Variants in ITPR2 observed in about 807,000 individuals in gnomAD.
ITPR2 encodes inositol 1,4,5-trisphosphate-gated calcium channel ITPR2.
In ITPR2, 207 loss-of-function variants were observed where a neutral mutation model predicts 317.1. The ratio of observed to expected loss-of-function variants is 0.65; its 90% CI spans 0.58 to 0.73. The LOEUF is 0.73. Ranked by LOEUF, ITPR2 falls within the 30% of genes least tolerant of loss-of-function variation. ITPR2 has a pLI of 0.00. For synonymous variants in ITPR2, 1,156 were observed against 1,149.1 expected, an observed-to-expected ratio of 1.01 and a Z score of -0.12; for missense variants, 2,613 against 3,284.0, an observed-to-expected ratio of 0.80 and a Z score of 4.99.
intron 56 of ITPR2, 141 bp from the exon 57 acceptor site, chr12:26,339,624 T>C (rs1346917337): frequency 6.3e-6 from 4 of 636,832 alleles, no homozygotes; most frequent in Non-Finnish European, 1.1e-5. Flanking sequence ...AAAAAGGGAT[T>C]TTTTTAAAAG....
At position 26,599,145 on chromosome 12, in the gene ITPR2, C is replaced by T. The variant is rs1272992110; in HGVS notation, c.4002G>A (p.Glu1334=). 2 of 1,613,672 alleles carry T rather than the reference C, an allele frequency of 1.2e-6. No homozygotes were observed. Among genetic ancestry groups the T allele is most frequent in the Non-Finnish European group, 1.7e-6 (2 of 1,179,634 alleles). Residue 1334 remains glutamate (E), a splice_region_variant and synonymous_variant, in exon 30 of 57, where the codon GAG becomes GAA. Transcript: ENST00000381340. ...VKKCQDMVMT[E]LINGGEDVLI... The stretch of plus-strand genomic sequence containing the variant: ...GATAAAAGGCAAACTGAGAACATAC[C>T]TCTGTCATTACCATATCCTGGCATT...
intron 9 of ITPR2, among the ~76,000 whole-genome samples, chr12:26,707,777 G>T (rs112926221): frequency 0.098 from 14,832 of 152,008 alleles, 805 homozygotes; most frequent in South Asian, 0.24. Context: ...TGATCCACCC[G>T]CCTCAGCCTC....
intron 45 of ITPR2, 47 bp downstream of exon 45, chr12:26,475,249 C>G: frequency 6.2e-7 from 1 of 1,605,078 alleles, no homozygotes; most frequent in Non-Finnish European, 8.5e-7. Flanking sequence ...ATACAAAACA[C>G]GATTGATAGG....
At chr12:26,785,031 C>T (rs1420604751) in intron 2 of ITPR2, among the ~76,000 whole-genome samples, 2 of 27,380 alleles carry the variant, frequency 7.3e-5, no homozygotes, top group Non-Finnish European at 1.9e-4. Flanking sequence ...TCTGCCCGGC[C>T]GCCCCGTCTG....
intron 45 of ITPR2, among the ~76,000 whole-genome samples, chr12:26,462,952 G>T (rs1942075040): frequency 1.3e-5 from 2 of 152,158 alleles, no homozygotes; most frequent in Admixed American, 6.5e-5. Flanking sequence ...GATTACAGGT[G>T]TAAGCCACGG....
At chr12:26,596,183 C>T (rs1185005198) in intron 31 of ITPR2, among the ~76,000 whole-genome samples, 2 of 152,246 alleles carry the variant, frequency 1.3e-5, no homozygotes, top group Non-Finnish European at 2.9e-5. Flanking sequence ...GCAGCACTAT[C>T]CTAGCCTCTC....
At chr12:26,481,080 T>C (rs1942534941) in intron 43 of ITPR2, 51 bp downstream of exon 43, 4 of 989,926 alleles carry the variant, frequency 4.0e-6, no homozygotes, top group Non-Finnish European at 6.3e-6. Flanking sequence ...GCTTGAAGAT[T>C]GTACTATAGA....
At chr12:26,387,676 ATTATTGTG>A in intron 54 of ITPR2, 82 bp from the exon 55 acceptor site, 1 of 1,326,810 alleles carries the variant, frequency 7.5e-7, no homozygotes, top group South Asian at 1.5e-5. Flanking sequence ...AAACACAATA[ATTATTGTG>A]AAAAAAATGC....
At chr12:26,759,073 T>C (rs1283308297) in intron 2 of ITPR2, among the ~76,000 whole-genome samples, 2 of 152,094 alleles carry the variant, frequency 1.3e-5, no homozygotes, top group East Asian at 3.9e-4. Context: ...TCACAGTACC[T>C]AACACATAAA....
rs762538894 is a variant in ITPR2, at chr12:26,656,464, G to C, written c.2277C>G (p.Asp759Glu). The part of the protein sequence containing the change: ...INQISTQLSV[D>E]LILRCVSDES... ...CATCCGACACACACCGCAGGATCAG[G>C]TCTACAGACAGCTGTGTAGAAATCT... The change falls in exon 19 of 57, where the codon GAC becomes GAG. Residue 759 changes from aspartate to glutamate, a missense_variant. Transcript: ENST00000381340. 6.2e-7 allele frequency: 1 copy of C among 1,614,238 alleles called. No homozygotes were observed. The highest frequency in any genetic ancestry group is 8.5e-7 in the Non-Finnish European group (1 of 1,180,036).
At chr12:26,739,946 G>T (rs1949202170) in intron 2 of ITPR2, among the ~76,000 whole-genome samples, 1 of 152,152 alleles carries the variant, frequency 6.6e-6, no homozygotes, top group African/African-American at 2.4e-5. Context: ...AATAGTTGTT[G>T]TGGTTTGGTT....
intron 37 of ITPR2, among the ~76,000 whole-genome samples, chr12:26,503,190 A>ACACACACACACACACAC (rs10529227): frequency 2.9e-5 from 4 of 139,208 alleles, no homozygotes; most frequent in African/African-American, 5.4e-5. Flanking sequence ...GCCCCCCACC[A>ACACACACACACACACAC]ACACACACAC....
chr12:26,420,970 T>A (rs755728666), intron 49 of ITPR2, among the ~76,000 whole-genome samples: 1 of 152,100 alleles, frequency 6.6e-6, no homozygotes, highest in Non-Finnish European at 1.5e-5. Context: ...TAGAAATAAG[T>A]TGTATAAAAA....
At chr12:26,440,612 G>A (rs1435493684) in intron 46 of ITPR2, among the ~76,000 whole-genome samples, 1 of 152,002 alleles carries the variant, frequency 6.6e-6, no homozygotes, top group African/African-American at 2.4e-5. Flanking sequence ...CTGTCATAAA[G>A]CAAACTACAT....
chr12:26,557,915 CAT>C (rs1343457582), intron 35 of ITPR2, among the ~76,000 whole-genome samples: 2 of 152,062 alleles, frequency 1.3e-5, no homozygotes, highest in Non-Finnish European at 2.9e-5. Flanking sequence ...ATAGCTATGG[CAT>C]ATTTTTATCA....
intron 21 of ITPR2, among the ~76,000 whole-genome samples, chr12:26,638,255 A>G (rs977220522): frequency 1.3e-5 from 2 of 152,236 alleles, no homozygotes; most frequent in Non-Finnish European, 2.9e-5. Flanking sequence ...CTGATCTTCA[A>G]TGATTAATAG....
chr12:26,519,051 G>A (rs918149813), intron 37 of ITPR2, among the ~76,000 whole-genome samples: 7 of 152,056 alleles, frequency 4.6e-5, no homozygotes, highest in Non-Finnish European at 5.9e-5. Flanking sequence ...TTGTCAAAGA[G>A]CAAACAGCTC....
At chr12:26,622,544 G>T in intron 24 of ITPR2, 139 bp from the exon 25 acceptor site, 1 of 627,490 alleles carries the variant, frequency 1.6e-6, no homozygotes, top group Non-Finnish European at 2.5e-6. Flanking sequence ...CATTTTCTTT[G>T]TTTTCCTCAT....
intron 26 of ITPR2, among the ~76,000 whole-genome samples, chr12:26,608,176 T>C (rs1178819789): frequency 6.6e-6 from 1 of 152,098 alleles, no homozygotes; most frequent in Non-Finnish European, 1.5e-5. Flanking sequence ...TTGATGTCGT[T>C]TTAGTTAGTA....
Sources: gnomAD v4.1 joint callset for allele counts (sites outside exome capture counted in the v4.1 genomes callset) on GRCh38, gnomAD v4.1.1 for gene constraint, MANE v1.5 for transcripts, NCBI Gene and HGNC (gene_info 2026-07-23, HGNC 2026-07-21) for gene names.